MYOM2: variants seen among roughly 807,000 people sequenced by gnomAD.
The protein encoded by MYOM2 is myomesin-2.
In MYOM2, 254 loss-of-function variants were observed where a neutral mutation model predicts 187.6. That is an observed-to-expected ratio of 1.35 (90% CI 1.22 to 1.50). The LOEUF (loss-of-function observed/expected upper bound fraction) is 1.50, where lower values mean the gene tolerates loss of function less well. Ranked by LOEUF, MYOM2 falls within the 40% of genes most tolerant of loss-of-function variation. MYOM2 has a pLI of 0.00. For missense variants in MYOM2, 2,796 were observed against 1,924.0 expected, an observed-to-expected ratio of 1.45 and a Z score of -8.48; for synonymous variants, 981 against 753.8, an observed-to-expected ratio of 1.30 and a Z score of -4.94.
intron 14 of MYOM2, among the ~76,000 whole-genome samples, chr8:2,088,503 A>G (rs569050468): frequency 2.0e-5 from 3 of 152,186 alleles, no homozygotes; most frequent in Non-Finnish European, 4.4e-5. Context: ...GCTCCCACTT[A>G]TAAGTGAGAA....
chr8:2,108,865 A>G, intron 24 of MYOM2, 35 bp downstream of exon 24: 1 of 1,609,942 alleles, frequency 6.2e-7, no homozygotes. Context: ...CTCTGCTTGC[A>G]GCTGCTGGCT....
chr8:2,100,200 C>G (rs1460333506), intron 19 of MYOM2, among the ~76,000 whole-genome samples: 1 of 149,634 alleles, frequency 6.7e-6, no homozygotes, highest in Non-Finnish European at 1.5e-5. Flanking sequence ...CTCCCTGCCT[C>G]CCGCCTTCTT....
At chr8:2,081,997 C>T (rs986764991) in intron 13 of MYOM2, 2 of 152,194 alleles carry the variant, frequency 1.3e-5, no homozygotes, top group African/African-American at 4.8e-5. Flanking sequence ...TTTATTCATC[C>T]TCAGGGGACT....
Position 2,096,389 on chromosome 8 carries a change from C to A in MYOM2, c.2268C>A (p.Asn756Lys). 1 of 1,614,240 alleles carries A rather than the reference C, an allele frequency of 6.2e-7. No homozygotes were observed. ...YLDKREVHHKNWHEVNSSPSK... is the reference protein window; with the variant it reads ...YLDKREVHHKKWHEVNSSPSK... Reference sequence around the variant, plus strand: ...ACAAGCGTGAAGTTCACCATAAAAACTGGCACGAGGTCAATTCCTCACCCA... The same window carrying A: ...ACAAGCGTGAAGTTCACCATAAAAAATGGCACGAGGTCAATTCCTCACCCA... The change falls in exon 18 of 37, where the codon AAC (asparagine) becomes AAA (lysine). Residue 756 changes from asparagine to lysine, a missense_variant. Asn to Lys is a moderately conservative substitution (Grantham distance 94). Coordinates refer to ENST00000262113, the MANE Select transcript of MYOM2 (RefSeq NM_003970.4).
intron 3 of MYOM2, among the ~76,000 whole-genome samples, chr8:2,053,846 G>A (rs144036275): frequency 2.6e-5 from 4 of 152,334 alleles, no homozygotes; most frequent in East Asian, 3.9e-4. Context: ...AGCAGCCCCC[G>A]AGTGTTGTAT....
intron 32 of MYOM2, among the ~76,000 whole-genome samples, chr8:2,131,935 A>G (rs115579400): frequency 0.14 from 21,067 of 152,042 alleles, 2,538 homozygotes; most frequent in African/African-American, 0.31. Context: ...GAGCTACCGC[A>G]GCCGGCCAAT....
intron 18 of MYOM2, among the ~76,000 whole-genome samples, chr8:2,097,885 C>T (rs6558605): frequency 0.45 from 67,842 of 152,058 alleles, 16,274 homozygotes; most frequent in East Asian, 0.65. Flanking sequence ...ATCATCACCA[C>T]GCTGTGCAGG....
rs116502759 is a variant in MYOM2, at chr8:2,076,553, G to A, written c.1262+271G>A. 904 of 435,226 alleles carry A rather than the reference G, an allele frequency of 2.1e-3. 6 individuals carry two copies. The highest frequency in any genetic ancestry group is 0.016 in the African/African-American group (810 of 49,552). The allele number at this position is 435,226 out of a possible 1,614,324, so 27.0% of individuals were successfully genotyped here. On this transcript the variant is annotated intron_variant, in intron 11 of 36. Coordinates refer to ENST00000262113, the MANE Select transcript of MYOM2 (RefSeq NM_003970.4). ...ACACCCAGTAACCAATCCCACCAACGTCTTCAGGCTCACTCTGAGCCCCGC... is the reference window on the plus strand; with the variant it reads ...ACACCCAGTAACCAATCCCACCAACATCTTCAGGCTCACTCTGAGCCCCGC...
intron 8 of MYOM2, among the ~76,000 whole-genome samples, chr8:2,070,276 T>C (rs2129333736): frequency 6.6e-6 from 1 of 152,348 alleles, no homozygotes; most frequent in African/African-American, 2.4e-5. Flanking sequence ...TTTACTGTAA[T>C]GCGAGGCTTA....
At chr8:2,116,505 T>C (rs1354841480) in intron 27 of MYOM2, among the ~76,000 whole-genome samples, 1 of 152,186 alleles carries the variant, frequency 6.6e-6, no homozygotes, top group Non-Finnish European at 1.5e-5. Context: ...CCAGCAATTT[T>C]AATGAAAAGA....
intron 6 of MYOM2, among the ~76,000 whole-genome samples, chr8:2,065,300 G>A (rs557803809): frequency 3.9e-5 from 6 of 152,322 alleles, no homozygotes; most frequent in African/African-American, 1.4e-4. Flanking sequence ...GCCAGGCACG[G>A]TGGCTCATGC....
At chr8:2,099,026 C>G (rs780464441) in intron 19 of MYOM2, 43 bp downstream of exon 19, 4 of 1,557,710 alleles carry the variant, frequency 2.6e-6, no homozygotes, top group Non-Finnish European at 3.5e-6. Context: ...AGCGCACAGG[C>G]TGGCTGGGAA....
At chr8:2,143,102 C>T (rs1035345969) in intron 35 of MYOM2, among the ~76,000 whole-genome samples, 6 of 152,072 alleles carry the variant, frequency 3.9e-5, no homozygotes, top group Non-Finnish European at 8.8e-5. Flanking sequence ...CGCGGCTCTC[C>T]AGGCCTTCCG....
intron 17 of MYOM2, among the ~76,000 whole-genome samples, 197 bp from the exon 18 acceptor site, chr8:2,096,050 A>G (rs937389512): frequency 4.6e-5 from 7 of 152,178 alleles, no homozygotes; most frequent in Admixed American, 4.6e-4. Flanking sequence ...ATTTTTATTT[A>G]TTTTTGTACT....
chr8:2,128,055 A>G (rs1797717933), intron 31 of MYOM2, among the ~76,000 whole-genome samples: 1 of 152,110 alleles, frequency 6.6e-6, no homozygotes, highest in Non-Finnish European at 1.5e-5. Context: ...TTTTATATAG[A>G]TGTTATATTA....
chr8:2,049,558 A>G (rs999453061), intron 1 of MYOM2, among the ~76,000 whole-genome samples: 3 of 152,118 alleles, frequency 2.0e-5, no homozygotes, highest in Admixed American at 2.0e-4. Context: ...CAAGTCTCAT[A>G]CCCATGGCCC....
intron 6 of MYOM2, among the ~76,000 whole-genome samples, chr8:2,064,760 T>TCCCTCCTCCTTATCCTCCATCC (rs1818961415): frequency 6.6e-6 from 1 of 151,396 alleles, no homozygotes; most frequent in Admixed American, 6.6e-5. Flanking sequence ...GGAACACATC[T>TCCCTCCTCCTTATCCTCCATCC]CCCTCCTCCT....
intron 6 of MYOM2, among the ~76,000 whole-genome samples, chr8:2,059,894 C>G (rs1818795648): frequency 6.6e-6 from 1 of 152,022 alleles, no homozygotes; most frequent in Non-Finnish European, 1.5e-5. Flanking sequence ...AGACATGGGC[C>G]ATCACGCCCA....
chr8:2,130,488 A>G (rs147083405), intron 32 of MYOM2, among the ~76,000 whole-genome samples: 1 of 152,352 alleles, frequency 6.6e-6, no homozygotes, highest in East Asian at 1.9e-4. Context: ...ATATTTCCAA[A>G]GGAAAATCAA....
Sources: allele counts gnomAD v4.1 joint callset (sites outside exome capture counted in the v4.1 genomes callset), GRCh38; gene constraint gnomAD v4.1.1; transcripts MANE v1.5; gene names NCBI Gene and HGNC (gene_info 2026-07-23, HGNC 2026-07-21).